DISC1: variants seen among roughly 807,000 people sequenced by gnomAD.
DISC1 encodes disrupted in schizophrenia 1 protein.
DISC1 carries 57 observed loss-of-function variants against 84.5 expected under a neutral mutation model. That is an observed-to-expected ratio of 0.67 (90% CI 0.55 to 0.84). DISC1 has a LOEUF of 0.84. DISC1 is among the 40% of genes least tolerant of loss of function. The probability of loss-of-function intolerance (pLI) is 0.00; values close to 1 mark genes in which losing one functional copy is unlikely to be tolerated. For missense variants in DISC1, 1,000 were observed against 1,057.8 expected, an observed-to-expected ratio of 0.95 and a Z score of 0.76; for synonymous variants, 411 against 415.2, an observed-to-expected ratio of 0.99 and a Z score of 0.12.
intron 6 of DISC1, among the ~76,000 whole-genome samples, chr1:231,783,848 CT>C (rs1455383638): frequency 2.6e-5 from 4 of 152,208 alleles, no homozygotes; most frequent in Non-Finnish European, 5.9e-5. Context: ...CACAGGAAAT[CT>C]TTTCCAAGAA....
At chr1:231,757,882 G>A (rs1464730364) in intron 4 of DISC1, among the ~76,000 whole-genome samples, 1 of 151,686 alleles carries the variant, frequency 6.6e-6, no homozygotes, top group Non-Finnish European at 1.5e-5. Flanking sequence ...CAATCCCTCG[G>A]CCTCCCTCCG....
At chr1:232,025,983 G>A (rs1412632267) in intron 11 of DISC1, among the ~76,000 whole-genome samples, 7 of 152,132 alleles carry the variant, frequency 4.6e-5, no homozygotes, top group Admixed American at 2.0e-4. Context: ...TGGTCAGTGT[G>A]TAAACAAATG....
At chr1:231,676,083 A>T (rs1572755304) in intron 1 of DISC1, among the ~76,000 whole-genome samples, 1 of 152,108 alleles carries the variant, frequency 6.6e-6, no homozygotes, top group East Asian at 1.9e-4. Context: ...TCCTGACCTG[A>T]TGATCCATCT....
intron 9 of DISC1, among the ~76,000 whole-genome samples, chr1:231,907,933 G>T (rs1281649159): frequency 6.6e-6 from 1 of 152,172 alleles, no homozygotes; most frequent in Non-Finnish European, 1.5e-5. Flanking sequence ...CAGTGATGAT[G>T]AACATTTTTT....
chr1:231,704,093 A>T (rs530883272), intron 3 of DISC1, among the ~76,000 whole-genome samples: 1 of 152,334 alleles, frequency 6.6e-6, no homozygotes, highest in East Asian at 1.9e-4. Flanking sequence ...CCAATCCCAC[A>T]GACCCGATTC....
In DISC1 at chr1:231,974,004, A is replaced by AT. The variant is rs575805539; in HGVS notation, c.2042+15127dup. Among the ~76,000 whole-genome samples, 1,031 of 147,672 alleles carry AT rather than the reference A, an allele frequency of 7.0e-3. 18 individuals are homozygous for AT. Among genetic ancestry groups the AT allele is most frequent in the African/African-American group, 0.023 (926 of 40,442 alleles). ...TTTTTGTGGTTCTGAGTTGACGGGGATTTTTTTTTTTCTTAAAGAGGTACA... is the reference window on the plus strand; with the variant it reads ...TTTTTGTGGTTCTGAGTTGACGGGGATTTTTTTTTTTTCTTAAAGAGGTACA... On this transcript the variant is annotated intron_variant, in intron 10 of 12. Coordinates refer to ENST00000439617, the MANE Select transcript of DISC1 (RefSeq NM_018662.3).
intron 3 of DISC1, among the ~76,000 whole-genome samples, chr1:231,714,624 G>A (rs2068424041): frequency 6.6e-6 from 1 of 151,514 alleles, no homozygotes; most frequent in African/African-American, 2.4e-5. Flanking sequence ...GAAACAGAGA[G>A]AGAGGAGAGA....
At chr1:231,969,515 G>T (rs1661618916) in intron 10 of DISC1, among the ~76,000 whole-genome samples, 1 of 151,810 alleles carries the variant, frequency 6.6e-6, no homozygotes, top group Non-Finnish European at 1.5e-5. Flanking sequence ...ACCCTCAGTG[G>T]AGCTCAAAAG....
intron 10 of DISC1, among the ~76,000 whole-genome samples, chr1:231,969,186 GTTTT>G (rs71573149): frequency 2.2e-5 from 2 of 91,652 alleles, no homozygotes; most frequent in Non-Finnish European, 4.1e-5. Context: ...ACACTCAGCG[GTTTT>G]TTTTTTTTTT....
At chr1:231,952,090 CAAAAAAAA>C (rs11392611) in intron 9 of DISC1, among the ~76,000 whole-genome samples, 6 of 54,244 alleles carry the variant, frequency 1.1e-4, no homozygotes, top group African/African-American at 2.3e-4. Context: ...CTCAATGTCT[CAAAAAAAA>C]AAAAAAAAAA....
chr1:231,900,054 G>A (rs1047925484), intron 9 of DISC1, among the ~76,000 whole-genome samples: 2 of 152,166 alleles, frequency 1.3e-5, no homozygotes, highest in African/African-American at 4.8e-5. Context: ...ATTTATTATA[G>A]CATTAACTTA....
At chr1:231,900,542 T>C (rs1349704766) in intron 9 of DISC1, among the ~76,000 whole-genome samples, 2 of 152,310 alleles carry the variant, frequency 1.3e-5, no homozygotes, top group Non-Finnish European at 2.9e-5. Context: ...CCTGGTAATA[T>C]GACCAAGTGA....
intron 3 of DISC1, chr1:231,702,353 G>A (rs758865491): frequency 1.8e-5 from 19 of 1,043,504 alleles, no homozygotes; most frequent in East Asian, 2.0e-4. Context: ...AAAAATATTC[G>A]TCTGACACCT....
At chr1:231,898,489 G>C (rs1200604698) in intron 9 of DISC1, among the ~76,000 whole-genome samples, 1 of 152,182 alleles carries the variant, frequency 6.6e-6, no homozygotes, top group Non-Finnish European at 1.5e-5. Context: ...ACTTGAATGG[G>C]ATGACAAGAG....
In DISC1 at chr1:231,675,967, G is replaced by T. The variant is rs1176066729; in HGVS notation, c.68-17859G>T. ...GGGTTCAAGCAATTCTCCTGCCTCA[G>T]CCTCCTGAGTAGCTGGGATTACAGG... On this transcript the variant is annotated intron_variant, in intron 1 of 12. Transcript: ENST00000439617. The surrounding 1 kb of genome is among the most constrained non-coding windows in gnomAD (Gnocchi z 4.1). Among the ~76,000 whole-genome samples, 2 of 151,422 alleles carry T rather than the reference G, an allele frequency of 1.3e-5. No individual in the cohort carries two copies. The highest frequency in any genetic ancestry group is 2.9e-5 in the Non-Finnish European group (2 of 67,970).
intron 9 of DISC1, among the ~76,000 whole-genome samples, chr1:231,879,754 C>A: frequency 6.6e-6 from 1 of 151,954 alleles, no homozygotes; most frequent in Non-Finnish European, 1.5e-5. Flanking sequence ...GATGGGTGGT[C>A]TATGATTGGT....
In DISC1 at chr1:231,693,883, G is replaced by T. The variant is rs1288415026; in HGVS notation, c.125G>T (p.Arg42Met). 4 of 1,614,158 alleles carry T rather than the reference G, an allele frequency of 2.5e-6. No homozygotes were observed. Among genetic ancestry groups the T allele is most frequent in the African/African-American group, 1.3e-5 (1 of 75,048 alleles). The change falls in exon 2 of 13, where the codon AGG becomes ATG. Residue 42 changes from arginine (R) to methionine (M), a missense_variant. Coordinates refer to ENST00000439617, the MANE Select transcript of DISC1 (RefSeq NM_018662.3). ...TTTCGGAGGCGGCGGCTGGCACGGA[G>T]GCCGGGCTACATGAGAAGCTCGACA... Reference protein sequence around the residue: ...ACFRRRRLARRPGYMRSSTGP... With the variant: ...ACFRRRRLARMPGYMRSSTGP...
intron 3 of DISC1, among the ~76,000 whole-genome samples, chr1:231,713,029 T>C (rs1366100142): frequency 6.6e-6 from 1 of 152,162 alleles, no homozygotes; most frequent in Non-Finnish European, 1.5e-5. Flanking sequence ...AGGCTGATCC[T>C]TGAGTTAAGT....
intron 3 of DISC1, among the ~76,000 whole-genome samples, chr1:231,726,938 T>C (rs538407109): frequency 6.6e-6 from 1 of 152,218 alleles, no homozygotes; most frequent in African/African-American, 2.4e-5. Context: ...GAATCTGGGG[T>C]GTAACTATTC....
Sources: allele counts gnomAD v4.1 joint callset (sites outside exome capture counted in the v4.1 genomes callset), GRCh38; gene constraint gnomAD v4.1.1; non-coding constraint Gnocchi (gnomAD v3.1); transcripts MANE v1.5; gene names NCBI Gene and HGNC (gene_info 2026-07-23, HGNC 2026-07-21).